PTPRT: variants seen among roughly 807,000 people sequenced by gnomAD.
PTPRT encodes the protein protein tyrosine phosphatase receptor type T.
A neutral mutation model predicts 176.8 loss-of-function variants in PTPRT; 56 were observed. That is an observed-to-expected ratio of 0.32 (90% CI 0.26 to 0.40). PTPRT has a LOEUF of 0.40. Ranked by LOEUF, PTPRT falls within the 10% of genes least tolerant of loss-of-function variation. The pLI, the probability that PTPRT is intolerant of heterozygous loss-of-function variation, is 1.00. For synonymous variants in PTPRT, 783 were observed against 739.0 expected (o/e 1.06, Z -0.96); for missense variants, 1,540 against 1,908.2 (o/e 0.81, Z 3.60).
At chr20:43,027,570 G>C (rs1034352270) in intron 1 of PTPRT, among the ~76,000 whole-genome samples, 4 of 152,090 alleles carry the variant, frequency 2.6e-5, no homozygotes, top group African/African-American at 9.7e-5. Flanking sequence ...AGACAGCAGG[G>C]ACGTGTGGCA....
intron 1 of PTPRT, among the ~76,000 whole-genome samples, chr20:43,072,454 C>A (rs1410582046): frequency 6.6e-6 from 1 of 152,140 alleles, no homozygotes; most frequent in Non-Finnish European, 1.5e-5. Flanking sequence ...TTCAAATATT[C>A]TCATTGTCTT....
chr20:42,705,068 G>C (rs1233779634), intron 6 of PTPRT, among the ~76,000 whole-genome samples: 1 of 152,072 alleles, frequency 6.6e-6, no homozygotes, highest in South Asian at 2.1e-4. Context: ...AGCTGGGCAT[G>C]GTGGTGCATG....
At chr20:42,741,245 T>C (rs2076605263) in intron 6 of PTPRT, among the ~76,000 whole-genome samples, 4 of 152,136 alleles carry the variant, frequency 2.6e-5, no homozygotes, top group Admixed American at 2.6e-4. Context: ...GTTGATAAAT[T>C]TGGGACTGGG....
intron 6 of PTPRT, among the ~76,000 whole-genome samples, chr20:42,712,580 C>A (rs1042985370): frequency 1.3e-5 from 2 of 152,140 alleles, no homozygotes; most frequent in Non-Finnish European, 1.5e-5. Flanking sequence ...GGTTCTATCT[C>A]TGAGCCCTGG....
chr20:42,482,955 A>C (rs1462968115), intron 7 of PTPRT, among the ~76,000 whole-genome samples: 2 of 152,204 alleles, frequency 1.3e-5, no homozygotes, highest in Non-Finnish European at 2.9e-5. Flanking sequence ...CAAACACATG[A>C]GCTAACCAAA....
intron 1 of PTPRT, among the ~76,000 whole-genome samples, chr20:43,053,435 C>T (rs920206670): frequency 2.6e-5 from 4 of 152,204 alleles, no homozygotes; most frequent in Non-Finnish European, 5.9e-5. Flanking sequence ...TGATTACAAC[C>T]CATGAGTGGC....
At position 42,434,610 on chromosome 20, in the gene PTPRT, C is replaced by T. The variant is rs536622978; in HGVS notation, c.1560+13610G>A. 8.6e-5 allele frequency among the ~76,000 whole-genome samples: 13 copies of T among 150,924 alleles called. No homozygotes were observed. In the South Asian group the frequency reaches 1.0e-3, roughly 12 times the overall value. On this transcript the variant is annotated intron_variant, in intron 9 of 30. Transcript: ENST00000373187. ...AGAGATACTTCTGTTACTCTACCTA[C>T]GCCTTCAAAGGGATCTCATCTTCAT...
At chr20:42,251,846 C>T (rs1164699577) in intron 13 of PTPRT, among the ~76,000 whole-genome samples, 2 of 152,052 alleles carry the variant, frequency 1.3e-5, no homozygotes, top group African/African-American at 4.8e-5. Context: ...ACAATGAGGG[C>T]TGTTGTTCTT....
intron 1 of PTPRT, among the ~76,000 whole-genome samples, chr20:42,901,830 G>A (rs1000275383): frequency 6.6e-6 from 1 of 152,162 alleles, no homozygotes; most frequent in Non-Finnish European, 1.5e-5. Context: ...AGCAAAGTAT[G>A]ACCTATGAAC....
At chr20:42,739,772 C>G (rs1428593140) in intron 6 of PTPRT, among the ~76,000 whole-genome samples, 1 of 152,188 alleles carries the variant, frequency 6.6e-6, no homozygotes, top group Non-Finnish European at 1.5e-5. Flanking sequence ...AAGCAGGAGA[C>G]ACAAACTACA....
At chr20:42,520,194 G>T (rs2072145348) in intron 7 of PTPRT, among the ~76,000 whole-genome samples, 1 of 151,900 alleles carries the variant, frequency 6.6e-6, no homozygotes, top group African/African-American at 2.4e-5. Context: ...GGAACATGCA[G>T]CTTAAAAAAT....
At chr20:42,924,674 G>A (rs1224320424) in intron 1 of PTPRT, among the ~76,000 whole-genome samples, 1 of 152,174 alleles carries the variant, frequency 6.6e-6, no homozygotes, top group African/African-American at 2.4e-5. Flanking sequence ...ATCCCGATCC[G>A]TACATCAATC....
intron 7 of PTPRT, among the ~76,000 whole-genome samples, chr20:42,481,804 A>ACACG (rs2071390630): frequency 7.0e-6 from 1 of 142,880 alleles, no homozygotes; most frequent in South Asian, 2.2e-4. Context: ...ACACACACAC[A>ACACG]CGCGCGCATG....
intron 14 of PTPRT, among the ~76,000 whole-genome samples, chr20:42,247,640 C>T (rs1048093210): frequency 1.3e-5 from 2 of 152,132 alleles, no homozygotes; most frequent in East Asian, 1.9e-4. Context: ...ATGTAGAAGG[C>T]TCTTTTGCCT....
At chr20:43,122,922 C>T (rs561487664) in intron 1 of PTPRT, among the ~76,000 whole-genome samples, 1 of 152,256 alleles carries the variant, frequency 6.6e-6, no homozygotes, top group South Asian at 2.1e-4. Context: ...GGTGCAATCT[C>T]GGCTCACTGC....
At chr20:42,334,049 G>A (rs1332719898) in intron 11 of PTPRT, among the ~76,000 whole-genome samples, 1 of 152,094 alleles carries the variant, frequency 6.6e-6, no homozygotes, top group African/African-American at 2.4e-5. Context: ...AAAGTTCTTT[G>A]ATGCCTTCAT....
chr20:43,156,950 G>A (rs1000327202), intron 1 of PTPRT, among the ~76,000 whole-genome samples: 4 of 152,160 alleles, frequency 2.6e-5, no homozygotes, highest in Non-Finnish European at 2.9e-5. Flanking sequence ...TGGATGTGAT[G>A]CATCAGTTGT....
intron 1 of PTPRT, among the ~76,000 whole-genome samples, chr20:42,934,810 T>C (rs1448917571): frequency 2.0e-5 from 3 of 152,128 alleles, no homozygotes; most frequent in Non-Finnish European, 4.4e-5. Context: ...GGCTCACATC[T>C]GTAATCCCAG....
At chr20:42,996,027 C>G (rs182227455) in intron 1 of PTPRT, among the ~76,000 whole-genome samples, 2 of 151,912 alleles carry the variant, frequency 1.3e-5, no homozygotes, top group African/African-American at 4.8e-5. Flanking sequence ...GAGACAGAGC[C>G]TCACTATGTT....
Sources: allele counts gnomAD v4.1 joint callset (sites outside exome capture counted in the v4.1 genomes callset), GRCh38; gene constraint gnomAD v4.1.1; transcripts MANE v1.5; gene names NCBI Gene and HGNC (gene_info 2026-07-23, HGNC 2026-07-21).